PARPBP: variants seen among roughly 807,000 people sequenced by gnomAD.
The protein encoded by PARPBP is PARP1 binding protein, also known as PCNA-interacting partner.
A neutral mutation model predicts 50.0 loss-of-function variants in PARPBP; 52 were observed. That is an observed-to-expected ratio of 1.04 (90% CI 0.83 to 1.31). PARPBP has a LOEUF of 1.31. Ranked by LOEUF, PARPBP falls within the 50% of genes most tolerant of loss-of-function variation. The pLI is 0.00. For synonymous variants in PARPBP, 244 were observed against 232.1 expected, an observed-to-expected ratio of 1.05 and a Z score of -0.47; for missense variants, 697 against 672.0, an observed-to-expected ratio of 1.04 and a Z score of -0.41.
chr12:102,195,166 A>T, intron 9 of PARPBP, 146 bp from the exon 10 acceptor site: 1 of 447,242 alleles, frequency 2.2e-6, no homozygotes, highest in Non-Finnish European at 3.9e-6. Context: ...ATGAAATATA[A>T]AAGGTTAGAG....
chr12:102,175,741 T>C, intron 7 of PARPBP, 75 bp downstream of exon 7: 1 of 891,160 alleles, frequency 1.1e-6, no homozygotes, highest in Non-Finnish European at 1.6e-6. Flanking sequence ...AAATGGTTTA[T>C]TATTGCTACT....
intron 9 of PARPBP, among the ~76,000 whole-genome samples, chr12:102,189,986 A>G (rs1335062954): frequency 4.6e-5 from 7 of 152,134 alleles, no homozygotes; most frequent in African/African-American, 9.7e-5. Context: ...TCTTTACCCT[A>G]TTGAACAGAG....
intron 6 of PARPBP, among the ~76,000 whole-genome samples, chr12:102,169,834 T>G (rs1017392420): frequency 5.3e-5 from 8 of 152,188 alleles, no homozygotes; most frequent in African/African-American, 1.2e-4. Context: ...CAAAACTGTC[T>G]ATGCTCTAAC....
In PARPBP at chr12:102,153,920, A is replaced by T; in HGVS notation, c.439A>T (p.Thr147Ser). 6.2e-7 allele frequency: 1 copy of T among 1,612,032 alleles called. No homozygotes were observed. Among genetic ancestry groups the T allele is most frequent in the Non-Finnish European group, 8.5e-7 (1 of 1,178,204 alleles). The change falls in exon 4 of 11, where the codon ACT becomes TCT. Residue 147 changes from threonine (T) to serine (S), a missense_variant. By Grantham distance (58) the Thr-to-Ser change is moderately conservative (BLOSUM62 1). Transcript: ENST00000327680. ...SGKQYAVGDE[T>S]DLSIPTSPTS... Reference sequence around the variant, plus strand: ...CAAACAGTATGCAGTAGGTGATGAAACTGATCTTTCTATACCAACATCACC... The same window carrying T: ...CAAACAGTATGCAGTAGGTGATGAATCTGATCTTTCTATACCAACATCACC...
intron 10 of PARPBP, 61 bp downstream of exon 10, chr12:102,195,508 A>C (rs983433428): frequency 1.5e-6 from 2 of 1,324,848 alleles, no homozygotes; most frequent in African/African-American, 3.0e-5. Context: ...AATTAGTTTT[A>C]ACTTAAGTAA....
chr12:102,187,767 G>A (rs1343263629), intron 9 of PARPBP, among the ~76,000 whole-genome samples: 1 of 152,176 alleles, frequency 6.6e-6, no homozygotes, highest in Non-Finnish European at 1.5e-5. Context: ...GAATCAAGTT[G>A]TGATGTGGAG....
intron 6 of PARPBP, among the ~76,000 whole-genome samples, chr12:102,166,801 A>G (rs1270864047): frequency 1.3e-5 from 2 of 152,054 alleles, no homozygotes; most frequent in African/African-American, 4.8e-5. Flanking sequence ...TCAGGATTTT[A>G]TTCTGAATTG....
intron 4 of PARPBP, among the ~76,000 whole-genome samples, chr12:102,161,175 G>T (rs932104113): frequency 6.6e-6 from 1 of 150,752 alleles, no homozygotes; most frequent in African/African-American, 2.4e-5. Context: ...GCATTATCTT[G>T]GCTCACTGCA....
intron 9 of PARPBP, among the ~76,000 whole-genome samples, chr12:102,189,146 G>C (rs186592397): frequency 1.3e-5 from 2 of 152,318 alleles, no homozygotes; most frequent in Admixed American, 6.5e-5. Context: ...TCTTTCCAAA[G>C]GTCAGTTCAC....
intron 9 of PARPBP, 50 bp downstream of exon 9, chr12:102,182,677 G>C (rs149720087): frequency 4.9e-6 from 6 of 1,222,838 alleles, no homozygotes; most frequent in African/African-American, 1.5e-5. Context: ...TTTATTTTTA[G>C]AAGAAATAAA....
chr12:102,136,875 C>A (rs1883718939), intron 2 of PARPBP, among the ~76,000 whole-genome samples: 1 of 152,020 alleles, frequency 6.6e-6, no homozygotes, highest in Non-Finnish European at 1.5e-5. Context: ...TGTATATATC[C>A]ATGACGTATA....
At chr12:102,122,859 A>G (rs1881373057) in intron 1 of PARPBP, among the ~76,000 whole-genome samples, 1 of 152,250 alleles carries the variant, frequency 6.6e-6, no homozygotes, top group Non-Finnish European at 1.5e-5. Context: ...GGTAATCAAT[A>G]TTAAGCTTTT....
Position 102,185,663 on chromosome 12 carries a change from T to A in PARPBP, c.1263+3036T>A, listed in dbSNP as rs1054449632. Among the ~76,000 whole-genome samples the A allele has an allele frequency of 3.9e-5, 6 of 152,156 alleles. No individual in the cohort carries two copies. The East Asian group carries it at 1.2e-3, about 29-fold the overall frequency. On this transcript the variant is annotated intron_variant, in intron 9 of 10. Coordinates refer to ENST00000327680, the MANE Select transcript of PARPBP (RefSeq NM_017915.5). ...TGGGCTTTTCTTTGCTGGGATAATTTTTTTTATTTTTTTGAGATGGAGTCT... is the reference window on the plus strand; with the variant it reads ...TGGGCTTTTCTTTGCTGGGATAATTATTTTTATTTTTTTGAGATGGAGTCT...
At chr12:102,170,683 C>T (rs1442391473) in intron 6 of PARPBP, among the ~76,000 whole-genome samples, 1 of 152,116 alleles carries the variant, frequency 6.6e-6, no homozygotes, top group Non-Finnish European at 1.5e-5. Context: ...AAACCTAGGC[C>T]ACACTAAATT....
chr12:102,169,835 A>G (rs956741700), intron 6 of PARPBP, among the ~76,000 whole-genome samples: 7 of 152,282 alleles, frequency 4.6e-5, no homozygotes, highest in East Asian at 1.9e-4. Context: ...AAAACTGTCT[A>G]TGCTCTAACT....
chr12:102,159,694 TAA>T (rs11320763), intron 4 of PARPBP, among the ~76,000 whole-genome samples: 626 of 149,586 alleles, frequency 4.2e-3, no homozygotes, highest in African/African-American at 0.014. Context: ...AATCATCAGT[TAA>T]AAAAAAAAAT....
At chr12:102,147,711 A>G (rs1325766587) in intron 2 of PARPBP, among the ~76,000 whole-genome samples, 2 of 151,954 alleles carry the variant, frequency 1.3e-5, no homozygotes, top group Non-Finnish European at 2.9e-5. Flanking sequence ...AACTTAAAGT[A>G]TAATAATAAT....
chr12:102,131,641 A>G lies in PARPBP; in HGVS notation c.153+7600A>G, dbSNP rs140193001. 5.9e-3 allele frequency among the ~76,000 whole-genome samples: 897 copies of G among 152,338 alleles called. 11 individuals carry two copies. The highest frequency in any genetic ancestry group is 0.02 in the African/African-American group (841 of 41,562). ...AAAGAAAATGTGGTACATATACATC[A>G]TGGAATACTCTACAGCCGTAAAAAA... On this transcript the variant is annotated intron_variant, in intron 2 of 10. Transcript: ENST00000327680.
At chr12:102,133,956 A>G (rs1464763627) in intron 2 of PARPBP, among the ~76,000 whole-genome samples, 1 of 152,122 alleles carries the variant, frequency 6.6e-6, no homozygotes, top group East Asian at 1.9e-4. Flanking sequence ...TATGGGATAG[A>G]GCAAAAGCAA....
Sources: allele counts gnomAD v4.1 joint callset (sites outside exome capture counted in the v4.1 genomes callset), GRCh38; gene constraint gnomAD v4.1.1; transcripts MANE v1.5; gene names NCBI Gene and HGNC (gene_info 2026-07-23, HGNC 2026-07-21).